The following SYT5 variants were observed in gnomAD, a reference collection of about 807,000 sequenced individuals.
SYT5 encodes the protein synaptotagmin 5, also known as synaptotagmin-5.
In SYT5, 29 loss-of-function variants were observed where a neutral mutation model predicts 36.0. That is an observed-to-expected ratio of 0.81 (90% confidence interval 0.60 to 1.10). SYT5 has a LOEUF of 1.10. Ranked by LOEUF, SYT5 falls within the 50% of genes least tolerant of loss-of-function variation. The pLI is 0.00. For synonymous variants in SYT5, 231 were observed against 227.6 expected, an observed-to-expected ratio of 1.02 and a Z score of -0.14; for missense variants, 512 against 516.0, an observed-to-expected ratio of 0.99 and a Z score of 0.08.
Position 55,176,126 on chromosome 19 carries a change from T to G in SYT5, c.253-2A>C, listed in dbSNP as rs2086074468. 1 of 1,613,940 alleles carries G rather than the reference T, an allele frequency of 6.2e-7. No individual in the cohort carries two copies. Among genetic ancestry groups the G allele is most frequent in the African/African-American group, 1.3e-5 (1 of 74,934 alleles). The stretch of plus-strand genomic sequence containing the variant: ...CAGCTCCTCTACTTCTGGCTGCACC[T>G]TAAGGAGCCAGGGGTAAGGGTGGGT... On this transcript the variant is annotated splice_acceptor_variant, in intron 3 of 8. Transcript: ENST00000354308. LOFTEE classifies it high-confidence loss of function.
Position 55,173,852 on chromosome 19 carries a change from G to T in SYT5, c.961-168C>A. 1.7e-6 allele frequency: 1 copy of T among 588,566 alleles called. No homozygotes were observed. 36.5% of individuals were successfully genotyped at this position (588,566 alleles called of 1,614,324 possible). A position where few individuals can be genotyped will look rare whatever the true frequency, so the allele number is the denominator to read the frequency against. On this transcript the variant is annotated intron_variant, in intron 8 of 8. Coordinates refer to ENST00000354308, the MANE Select transcript of SYT5 (RefSeq NM_003180.3). The surrounding 1 kb of genome is among the most constrained non-coding windows in gnomAD (Gnocchi z 5.4). ...GTGGGAGACGAGAGGGACGGAGCCT[G>T]CGGCGAGGAGGAGGCTCTGGCGCCT...
Position 55,171,704 on chromosome 19 carries a change from G to A in SYT5, c.*1780C>T, listed in dbSNP as rs936950023. ...AATGAGGTCAGATGCGGCGGCTCAT[G>A]TCTACAGTCCCAGCTACTCACACAG... On this transcript the variant is annotated 3_prime_UTR_variant, in exon 9 of 9. Coordinates refer to ENST00000354308, the MANE Select transcript of SYT5 (RefSeq NM_003180.3). The A allele has an allele frequency of 2.0e-5, 3 of 152,118 alleles. No homozygotes were observed. The highest frequency in any genetic ancestry group is 4.8e-5 in the African/African-American group (2 of 41,402). The allele number at this position is 152,118 out of a possible 1,614,324, so 9.4% of individuals were successfully genotyped here.
In SYT5 at chr19:55,174,658, G is replaced by C. The variant is rs1382883674; in HGVS notation, c.827-8C>G. The C allele has an allele frequency of 6.2e-7, 1 of 1,614,012 alleles. No homozygotes were observed. The highest frequency in any genetic ancestry group is 1.7e-5 in the Admixed American group (1 of 59,996). On this transcript the variant is annotated splice_region_variant and splice_polypyrimidine_tract_variant and intron_variant, in intron 7 of 8. Coordinates refer to ENST00000354308, the MANE Select transcript of SYT5 (RefSeq NM_003180.3). ...GGACCTTGACGTATGGATCTGGGGA[G>C]AGGAAGGAGGAGTCTTATAGCTCCC...
In SYT5 at chr19:55,173,713, G is replaced by A. The variant is rs758212782; in HGVS notation, c.961-29C>T. On this transcript the variant is annotated intron_variant, in intron 8 of 8. Coordinates refer to ENST00000354308, the MANE Select transcript of SYT5 (RefSeq NM_003180.3). This position sits in a 1 kb window ranked among gnomAD's most constrained non-coding sequence, Gnocchi z 5.4. The stretch of plus-strand genomic sequence containing the variant: ...GGGTGGGCGCGGGAGGAAGAGGAGA[G>A]AGGAGCGTGAGGGGAGGAGGCCCCG... 9 of 1,341,402 alleles carry A rather than the reference G, an allele frequency of 6.7e-6. No individual in the cohort carries two copies. Among genetic ancestry groups the A allele is most frequent in the Non-Finnish European group, 8.7e-6 (9 of 1,039,144 alleles). The allele number at this position is 1,341,402 out of a possible 1,614,324, so 83.1% of individuals were successfully genotyped here.
Position 55,175,285 on chromosome 19 carries a change from C to T in SYT5, c.595G>A (p.Asp199Asn). The T allele has an allele frequency of 6.3e-7, 1 of 1,592,620 alleles. No individual in the cohort carries two copies. Among genetic ancestry groups the T allele is most frequent in the Non-Finnish European group, 8.5e-7 (1 of 1,171,006 alleles). ...RVLVMAVYDFDRFSRNDAIGE... is the reference protein window; with the variant it reads ...RVLVMAVYDFNRFSRNDAIGE... ...ATGGCGTCATTGCGAGAGAAGCGGTCGAAGTCGTACACCGCCATGACCAGC... is the reference window on the plus strand; with the variant it reads ...ATGGCGTCATTGCGAGAGAAGCGGTTGAAGTCGTACACCGCCATGACCAGC... The change falls in exon 6 of 9, where the codon GAC (aspartate) becomes AAC (asparagine). Residue 199 changes from aspartate (D) to asparagine (N), a missense_variant. Asp to Asn is a conservative substitution (Grantham distance 23). Coordinates refer to ENST00000354308, the MANE Select transcript of SYT5 (RefSeq NM_003180.3). This position sits in a 1 kb window ranked among gnomAD's most constrained non-coding sequence, Gnocchi z 4.5.
rs1182437229 is a variant in SYT5 at position 55,174,523 on chromosome 19, T to C, written c.954A>G (p.Gln318=). The C allele has an allele frequency of 6.2e-7, 1 of 1,614,054 alleles. No homozygotes were observed. Among genetic ancestry groups the C allele is most frequent in the Non-Finnish European group, 8.5e-7 (1 of 1,179,936 alleles). ...AGGGCAGGTTTGAGCTCACCTGGACTTGGTCACAGGGCACCTCGAAGCTGA... is the reference window on the plus strand; with the variant it reads ...AGGGCAGGTTTGAGCTCACCTGGACCTGGTCACAGGGCACCTCGAAGCTGA... ...EAFSFEVPCD[Q]VQKVQVELTV... is the part of the protein sequence containing the mutation. Residue 318 remains glutamine (Q), a synonymous_variant, in exon 8 of 9, where the codon CAA becomes CAG. Coordinates refer to ENST00000354308, the MANE Select transcript of SYT5 (RefSeq NM_003180.3).
chr19:55,173,365 T>TG lies in SYT5; in HGVS notation c.*118dup. 1 of 698,656 alleles carries TG rather than the reference T, an allele frequency of 1.4e-6. No individual in the cohort carries two copies. Among genetic ancestry groups the TG allele is most frequent in the Non-Finnish European group, 1.9e-6 (1 of 521,308 alleles). 43.3% of individuals were successfully genotyped at this position (698,656 alleles called of 1,614,324 possible). On this transcript the variant is annotated 3_prime_UTR_variant, in exon 9 of 9. Transcript: ENST00000354308. This position sits in a 1 kb window ranked among gnomAD's most constrained non-coding sequence, Gnocchi z 5.4. ...TGGTTCAGATGGTTGGGGTGGAAGG[T>TG]GGGGGGAGGGTAACCGTCAGAGGAA...
Position 55,174,942 on chromosome 19 carries a change from G to C in SYT5, c.766C>G (p.Leu256Val), listed in dbSNP as rs1223700699. The change falls in exon 7 of 9, where the codon CTC becomes GTC. Residue 256 changes from leucine to valine, a missense_variant. Transcript: ENST00000354308. ...TTAGCCTCCAGGACGATGACGGTGA[G>C]CTTCCCGGCCGTGGGGACATAGCGG... is the stretch of plus-strand genomic sequence containing the variant. ...SLRYVPTAGK[L>V]TVIVLEAKNL... The C allele has an allele frequency of 6.2e-7, 1 of 1,614,178 alleles. No individual in the cohort carries two copies. Among genetic ancestry groups the C allele is most frequent in the Admixed American group, 1.7e-5 (1 of 60,026 alleles).
In SYT5 at chr19:55,178,386, C is replaced by T. The variant is rs746244142; in HGVS notation, c.80-18G>A. The T allele has an allele frequency of 4.4e-6, 7 of 1,605,540 alleles. No individual in the cohort carries two copies. The highest frequency in any genetic ancestry group is 5.1e-6 in the Non-Finnish European group (6 of 1,176,886). On this transcript the variant is annotated intron_variant, in intron 2 of 8. Coordinates refer to ENST00000354308, the MANE Select transcript of SYT5 (RefSeq NM_003180.3). ...GGGGGGCACTGCAGAGGGGTGGAGA[C>T]AACACACATTGAGGCCTGGGCAGCA...
chr19:55,173,374 G>T lies in SYT5; in HGVS notation c.*110C>A. The T allele has an allele frequency of 1.1e-6, 1 of 891,364 alleles. No individual in the cohort carries two copies. The highest frequency in any genetic ancestry group is 1.5e-6 in the Non-Finnish European group (1 of 657,064). The allele number at this position is 891,364 out of a possible 1,614,324, so 55.2% of individuals were successfully genotyped here. ...TGGTTGGGGTGGAAGGTGGGGGGAGGGTAACCGTCAGAGGAAGCTTAAGGG... is the reference window on the plus strand; with the variant it reads ...TGGTTGGGGTGGAAGGTGGGGGGAGTGTAACCGTCAGAGGAAGCTTAAGGG... On this transcript the variant is annotated 3_prime_UTR_variant, in exon 9 of 9. Transcript: ENST00000354308. The surrounding 1 kb of genome is among the most constrained non-coding windows in gnomAD (Gnocchi z 5.4).
Position 55,172,299 on chromosome 19 carries a change from T to C in SYT5, c.*1185A>G, listed in dbSNP as rs1364434393. 1.3e-5 allele frequency: 2 copies of C among 148,774 alleles called. No homozygotes were observed. The highest frequency in any genetic ancestry group is 5.0e-5 in the African/African-American group (2 of 40,296). 9.2% of individuals were successfully genotyped at this position (148,774 alleles called of 1,614,324 possible). On this transcript the variant is annotated 3_prime_UTR_variant, in exon 9 of 9. Coordinates refer to ENST00000354308, the MANE Select transcript of SYT5 (RefSeq NM_003180.3). The stretch of plus-strand genomic sequence containing the variant: ...AGCCGGGTGTGGTGGCGGGCGCCTG[T>C]AGTCCCAGCTGCTCGGGAGGCTGAG...
chr19:55,178,753 A>ATTTTTTTTTTTTTTTTTT lies in SYT5; in HGVS notation c.79+192_79+209dup, dbSNP rs5828614. Among the ~76,000 whole-genome samples the ATTTTTTTTTTTTTTTTTT allele has an allele frequency of 4.0e-5, 2 of 50,472 alleles. 1 individual carries two copies. The allele number at this position is 50,472 out of a possible 152,430, so 33.1% of individuals were successfully genotyped here. On this transcript the variant is annotated intron_variant, in intron 2 of 8. Coordinates refer to ENST00000354308, the MANE Select transcript of SYT5 (RefSeq NM_003180.3). ...TGCAACACCCCTTGATCCGGTTTCGATTTTTTTTTTTTTTTTTTTTTTTTT... is the reference window on the plus strand; with the variant it reads ...TGCAACACCCCTTGATCCGGTTTCGATTTTTTTTTTTTTTTTTTTTTTTTTTTTTTTTTTTTTTTTTTT...
In SYT5 at chr19:55,175,058, G is replaced by C; in HGVS notation, c.709-59C>G. 3 of 1,601,522 alleles carry C rather than the reference G, an allele frequency of 1.9e-6. No homozygotes were observed. Among genetic ancestry groups the C allele is most frequent in the South Asian group, 2.2e-5 (2 of 90,808 alleles). Reference sequence around the variant, plus strand: ...GCTCCACATCCATGCCTCCTCAGGGGTACAATCCACGCCGCCCTGAGGGTC... The same window carrying C: ...GCTCCACATCCATGCCTCCTCAGGGCTACAATCCACGCCGCCCTGAGGGTC... On this transcript the variant is annotated intron_variant, in intron 6 of 8. Coordinates refer to ENST00000354308, the MANE Select transcript of SYT5 (RefSeq NM_003180.3). This position sits in a 1 kb window ranked among gnomAD's most constrained non-coding sequence, Gnocchi z 4.5.
rs749895481 is a variant in SYT5, at chr19:55,175,325, C to T, written c.555G>A (p.Glu185=). 1 of 1,542,978 alleles carries T rather than the reference C, an allele frequency of 6.5e-7. No homozygotes were observed. The highest frequency in any genetic ancestry group is 1.4e-5 in the African/African-American group (1 of 72,582). ...ETFAFKVPYV[E]LGGRVLVMAV... is the part of the protein sequence containing the mutation. ...CCATGACCAGCACCCTGCCCCCCAGCTCCACGTAGGGGACCTGGAGTGCAC... is the reference window on the plus strand; with the variant it reads ...CCATGACCAGCACCCTGCCCCCCAGTTCCACGTAGGGGACCTGGAGTGCAC... Residue 185 remains glutamate, a synonymous_variant, in exon 6 of 9, where the codon GAG becomes GAA. Coordinates refer to ENST00000354308, the MANE Select transcript of SYT5 (RefSeq NM_003180.3). The surrounding 1 kb of genome is among the most constrained non-coding windows in gnomAD (Gnocchi z 4.5).
intron 3 of SYT5, among the ~76,000 whole-genome samples, chr19:55,176,901 G>A (rs187509399): frequency 2.0e-3 from 307 of 152,262 alleles, no homozygotes; most frequent in African/African-American, 7.1e-3. Flanking sequence ...GCTCAGAGAG[G>A]GACAGTGAGT....
At position 55,179,522 on chromosome 19, in the gene SYT5, C is replaced by A. The variant is rs11672834; in HGVS notation, c.-45-436G>T. The A allele has an allele frequency of 7.8e-6, 2 of 255,810 alleles. No homozygotes were observed. Among genetic ancestry groups the A allele is most frequent in the Non-Finnish European group, 1.5e-5 (2 of 135,298 alleles). 15.8% of individuals were successfully genotyped at this position (255,810 alleles called of 1,614,324 possible). On this transcript the variant is annotated intron_variant, in intron 1 of 8. Transcript: ENST00000354308. The surrounding 1 kb of genome is among the most constrained non-coding windows in gnomAD (Gnocchi z 4.5). The stretch of plus-strand genomic sequence containing the variant: ...ACGCGGAGTCCCGGCGGGGCAGGCT[C>A]GCTCCGGGGCCCACCGGTGCCTGGG...
rs371242505 is a variant in SYT5 at position 55,174,490 on chromosome 19, C to G, written c.960+27G>C. 13 of 1,610,584 alleles carry G rather than the reference C, an allele frequency of 8.1e-6. No homozygotes were observed. The African/African-American group carries it at 1.7e-4, about 22-fold the overall frequency. On this transcript the variant is annotated intron_variant, in intron 8 of 8. Coordinates refer to ENST00000354308, the MANE Select transcript of SYT5 (RefSeq NM_003180.3). ...ATGGCGATTACTAAAGGTCTGGGCT[C>G]TTGGAGAAGGGCAGGTTTGAGCTCA...
At chr19:55,174,208 G>T (rs547935441) in intron 8 of SYT5, among the ~76,000 whole-genome samples, 470 of 151,094 alleles carry the variant, frequency 3.1e-3, no homozygotes, top group African/African-American at 9.6e-3. Context: ...CTGCTTGGGG[G>T]CGGAGCATCC....
In SYT5 at chr19:55,173,471, C is replaced by G. The variant is rs1370284039; in HGVS notation, c.*13G>C. 5 of 1,347,922 alleles carry G rather than the reference C, an allele frequency of 3.7e-6. No homozygotes were observed. Among genetic ancestry groups the G allele is most frequent in the Non-Finnish European group, 4.8e-6 (5 of 1,050,916 alleles). 83.5% of individuals were successfully genotyped at this position (1,347,922 alleles called of 1,614,324 possible). ...GCTAGAGTCCAGGCTTGGCCGGGGGCTTGGGGTGGGAGTCAGGGCGCAGGC... is the reference window on the plus strand; with the variant it reads ...GCTAGAGTCCAGGCTTGGCCGGGGGGTTGGGGTGGGAGTCAGGGCGCAGGC... On this transcript the variant is annotated 3_prime_UTR_variant, in exon 9 of 9. Transcript: ENST00000354308. The surrounding 1 kb of genome is among the most constrained non-coding windows in gnomAD (Gnocchi z 5.4).
Sources: gnomAD v4.1 joint callset for allele counts (sites outside exome capture counted in the v4.1 genomes callset) on GRCh38, gnomAD v4.1.1 for gene constraint, Gnocchi (gnomAD v3.1) non-coding constraint, MANE v1.5 for transcripts, NCBI Gene and HGNC (gene_info 2026-07-23, HGNC 2026-07-21) for gene names.